The following ZNF324B variants were observed in gnomAD, a reference collection of about 807,000 sequenced individuals.
ZNF324B encodes zinc finger protein 324B.
Under a neutral mutation model 10.6 loss-of-function variants are expected in ZNF324B, and 7 were observed. The observed-to-expected ratio is 0.66, with a 90% confidence interval of 0.38 to 1.24. ZNF324B has a LOEUF of 1.24. Ranked by LOEUF, ZNF324B falls within the 50% of genes most tolerant of loss-of-function variation. The pLI is 0.02. For missense variants in ZNF324B, 640 were observed against 764.7 expected, an observed-to-expected ratio of 0.84 and a Z score of 1.92; for synonymous variants, 316 against 321.0, an observed-to-expected ratio of 0.98 and a Z score of 0.17.
chr19:58,436,839 G>T, the ZNF324B span: 1 of 730,896 alleles, frequency 1.4e-6, no homozygotes, highest in Admixed American at 2.0e-5. Flanking sequence ...CAAGGCTCCT[G>T]GGCAACAGCT....
the ZNF324B span, chr19:58,430,930 T>G: frequency 3.9e-5 from 6 of 152,214 alleles, no homozygotes; most frequent in African/African-American, 1.4e-4. Flanking sequence ...CCCTGTGCCA[T>G]GAGTACTCTG....
chr19:58,434,079 T>G, the ZNF324B span: 1 of 1,614,160 alleles, frequency 6.2e-7, no homozygotes, highest in Non-Finnish European at 8.5e-7. Context: ...AAGGCCGTTC[T>G]CCGGTGTGAA....
chr19:58,429,396 C>CA, the ZNF324B span: 2 of 152,328 alleles, frequency 1.3e-5, no homozygotes, highest in Non-Finnish European at 2.9e-5. Flanking sequence ...GATGGAGTCT[C>CA]ACACTGTCGC....
the ZNF324B span, chr19:58,430,761 T>C: frequency 1.3e-5 from 2 of 152,230 alleles, no homozygotes; most frequent in Non-Finnish European, 2.9e-5. Context: ...AAGATCTCTC[T>C]TCAGTGTGGG....
At chr19:58,429,519 C>T in the ZNF324B span, 10 of 152,448 alleles carry the variant, frequency 6.6e-5, no homozygotes, top group African/African-American at 2.4e-4. Flanking sequence ...GCACCCGCCA[C>T]CACACCTGGC....
chr19:58,438,599 G>A, the ZNF324B span, among the ~76,000 whole-genome samples: 1 of 146,480 alleles, frequency 6.8e-6, no homozygotes, highest in Non-Finnish European at 1.5e-5. Flanking sequence ...TCAGCCTCCC[G>A]AGTAGCTGGG....
chr19:58,441,762 T>C, the ZNF324B span: 17 of 152,326 alleles, frequency 1.1e-4, no homozygotes, highest in African/African-American at 3.9e-4. Flanking sequence ...GGTTTTAGGT[T>C]GGAGGACCAG....
In ZNF324B at chr19:58,457,564, A is replaced by G. The variant is rs1164342037; in HGVS notation, c.*985A>G. On this transcript the variant is annotated 3_prime_UTR_variant, in exon 4 of 4. Coordinates refer to ENST00000336614, the MANE Select transcript of ZNF324B (RefSeq NM_207395.3). ...CACCTTTCCCTTGTTATGCCTCCTC[A>G]ATTGGAGGCTGGACAGAGAGCTGAA... 1 of 112,368 alleles carries G rather than the reference A, an allele frequency of 8.9e-6. No homozygotes were observed. Among genetic ancestry groups the G allele is most frequent in the Non-Finnish European group, 1.6e-5 (1 of 60,738 alleles). The allele number at this position is 112,368 out of a possible 1,614,324, so 7.0% of individuals were successfully genotyped here.
At chr19:58,440,731 C>T in the ZNF324B span, 1 of 152,098 alleles carries the variant, frequency 6.6e-6, no homozygotes, top group South Asian at 2.1e-4. Flanking sequence ...GTGGGACCCT[C>T]AGGTTGCACC....
upstream of ZNF324B, among the ~76,000 whole-genome samples, chr19:58,447,051 C>T (rs1267775650): frequency 1.3e-5 from 2 of 152,082 alleles, no homozygotes; most frequent in Non-Finnish European, 2.9e-5. Context: ...TCTCAGCTCA[C>T]TGCAACCTCT....
the ZNF324B span, among the ~76,000 whole-genome samples, chr19:58,419,717 C>T: frequency 6.6e-6 from 1 of 152,136 alleles, no homozygotes; most frequent in African/African-American, 2.4e-5. Flanking sequence ...GATGCTGTGG[C>T]CTTTGCAGTT....
In ZNF324B at chr19:58,455,094, C is replaced by T; in HGVS notation, c.239-89C>T. On this transcript the variant is annotated intron_variant, in intron 3 of 3. Transcript: ENST00000336614. The surrounding 1 kb of genome is among the most constrained non-coding windows in gnomAD (Gnocchi z 7.0). ...TTTTCCCTAAGCTTTTGTCCCGGCTCCTGGGCTCCCCCTTGCCTGTCCACT... is the reference window on the plus strand; with the variant it reads ...TTTTCCCTAAGCTTTTGTCCCGGCTTCTGGGCTCCCCCTTGCCTGTCCACT... The T allele has an allele frequency of 6.4e-7, 1 of 1,567,428 alleles. No homozygotes were observed. The highest frequency in any genetic ancestry group is 2.2e-5 in the East Asian group (1 of 44,676).
At chr19:58,419,908 ATTCAAGTGATCC>A in the ZNF324B span, among the ~76,000 whole-genome samples, 34 of 152,170 alleles carry the variant, frequency 2.2e-4, 1 homozygote. Flanking sequence ...GACTCCAGGG[ATTCAAGTGATCC>A]TTCTACCTCA....
At chr19:58,446,357 T>C in the ZNF324B span, among the ~76,000 whole-genome samples, 1 of 152,156 alleles carries the variant, frequency 6.6e-6, no homozygotes, top group Admixed American at 6.5e-5. Context: ...GGCAGAGCTA[T>C]CACACCACTG....
At chr19:58,419,702 G>A in the ZNF324B span, among the ~76,000 whole-genome samples, 2 of 152,214 alleles carry the variant, frequency 1.3e-5, no homozygotes, top group African/African-American at 4.8e-5. Flanking sequence ...TACTCCTGGT[G>A]TCTGGATGCT....
the ZNF324B span, chr19:58,435,638 C>T: frequency 6.0e-6 from 1 of 167,132 alleles, no homozygotes; most frequent in East Asian, 1.8e-4. Flanking sequence ...AAAACTGGAG[C>T]ACTTATACAC....
Position 58,455,716 on chromosome 19 carries a change from G to A in ZNF324B, c.772G>A (p.Glu258Lys), listed in dbSNP as rs748944745. 2.5e-6 allele frequency: 4 copies of A among 1,613,560 alleles called. No individual in the cohort carries two copies. The highest frequency in any genetic ancestry group is 2.2e-5 in the East Asian group (1 of 44,872). Residue 258 changes from glutamate to lysine, a missense_variant, in exon 4 of 4, where the codon GAA becomes AAA. Physicochemically the swap from Glu to Lys is moderately conservative, Grantham distance 56. This residue lies in a region of ZNF324B where 345 missense variants were observed against 387.9 expected (regional missense o/e 0.89). Transcript: ENST00000336614. This position sits in a 1 kb window ranked among gnomAD's most constrained non-coding sequence, Gnocchi z 7.0. ...EALHAGEKSF[E>K]CRACSKVFVK... Reference sequence around the variant, plus strand: ...TCTTCACGCTGGGGAGAAGTCCTTCGAATGCAGGGCGTGCAGCAAAGTGTT... The same window carrying A: ...TCTTCACGCTGGGGAGAAGTCCTTCAAATGCAGGGCGTGCAGCAAAGTGTT...
the ZNF324B span, chr19:58,429,476 C>G: frequency 2.0e-5 from 3 of 152,276 alleles, no homozygotes; most frequent in Non-Finnish European, 4.4e-5. Flanking sequence ...CACCATTCTC[C>G]TGCCTCAGCC....
rs745775277 is a variant in ZNF324B at position 58,454,353 on chromosome 19, G to A, written c.238+9G>A. ...CGGGAGGCTCAACTCTGGTGAGTGG[G>A]AGCTCAGGTGGGGTGAACTAAGGAC... On this transcript the variant is annotated intron_variant, in intron 3 of 3. Coordinates refer to ENST00000336614, the MANE Select transcript of ZNF324B (RefSeq NM_207395.3). 2 of 1,592,374 alleles carry A rather than the reference G, an allele frequency of 1.3e-6. No homozygotes were observed. The highest frequency in any genetic ancestry group is 1.1e-5 in the South Asian group (1 of 90,644).
Sources: gnomAD v4.1 joint callset for allele counts (sites outside exome capture counted in the v4.1 genomes callset) on GRCh38, gnomAD v4.1.1 for gene constraint, gnomAD v4.1.1 regional missense constraint, Gnocchi (gnomAD v3.1) non-coding constraint, MANE v1.5 for transcripts, NCBI Gene and HGNC (gene_info 2026-07-23, HGNC 2026-07-21) for gene names.